KRABD3: variants seen among roughly 807,000 people sequenced by gnomAD.
KRABD3 encodes KRAB domain-containing protein 3.
the KRABD3 span, chr7:149,720,166 C>T: frequency 1.9e-6 from 3 of 1,549,098 alleles, no homozygotes; most frequent in South Asian, 1.2e-5. Flanking sequence ...TCCTCCCACT[C>T]ATCGGTCCTC....
At chr7:149,729,548 CAA>C in the KRABD3 span, 1 of 985,352 alleles carries the variant, frequency 1.0e-6, no homozygotes, top group African/African-American at 1.7e-5. Context: ...TAAAGTGTCA[CAA>C]AGTGCTGACA....
chr7:149,721,544 G>A, the KRABD3 span: 3 of 1,610,296 alleles, frequency 1.9e-6, no homozygotes, highest in East Asian at 2.2e-5. Flanking sequence ...CAGTGAGTCT[G>A]ACACAGCAGG....
chr7:149,725,453 A>G, the KRABD3 span: 1 of 1,612,154 alleles, frequency 6.2e-7, no homozygotes, highest in Non-Finnish European at 8.5e-7. Flanking sequence ...AGGTCTCAGA[A>G]GCCTGAACTG....
the KRABD3 span, chr7:149,720,942 A>G: frequency 6.2e-7 from 1 of 1,613,632 alleles, no homozygotes; most frequent in Non-Finnish European, 8.5e-7. Flanking sequence ...CAGCCCCGAG[A>G]GCGAGAGCCG....
At chr7:149,727,949 C>T in the KRABD3 span, among the ~76,000 whole-genome samples, 16 of 152,224 alleles carry the variant, frequency 1.1e-4, no homozygotes, top group Non-Finnish European at 1.8e-4. Flanking sequence ...CAAATGCTGT[C>T]GGGAAAGAGA....
the KRABD3 span, chr7:149,730,852 G>A: frequency 3.8e-3 from 1,735 of 460,170 alleles, 3 homozygotes; most frequent in Non-Finnish European, 5.1e-3. Flanking sequence ...AGACAGATGT[G>A]GATGTATTTA....
the KRABD3 span, chr7:149,729,898 T>C: frequency 8.0e-6 from 10 of 1,256,708 alleles, no homozygotes; most frequent in Non-Finnish European, 1.0e-5. Context: ...TGCTAATGGC[T>C]TCCAAGGACT....
chr7:149,724,338 C>T, the KRABD3 span, among the ~76,000 whole-genome samples: 1 of 152,134 alleles, frequency 6.6e-6, no homozygotes, highest in African/African-American at 2.4e-5. Flanking sequence ...GTTAGCTTCT[C>T]AGAACAAAGC....
the KRABD3 span, chr7:149,721,270 C>T: frequency 7.6e-7 from 1 of 1,324,230 alleles, no homozygotes; most frequent in African/African-American, 1.5e-5. Context: ...ACATAGGTGG[C>T]TGACATCCTG....
the KRABD3 span, among the ~76,000 whole-genome samples, chr7:149,723,147 G>A: frequency 6.6e-6 from 1 of 152,200 alleles, no homozygotes; most frequent in South Asian, 2.1e-4. Context: ...AAGGAAACTC[G>A]GAAGCAGGCT....
the KRABD3 span, chr7:149,715,098 G>A: frequency 8.1e-7 from 1 of 1,230,940 alleles, no homozygotes; most frequent in South Asian, 4.1e-5. Context: ...ACCCCTCGGC[G>A]CAGTGCGGCC....
the KRABD3 span, chr7:149,731,672 G>C: frequency 6.2e-7 from 1 of 1,607,224 alleles, no homozygotes; most frequent in African/African-American, 1.3e-5. Flanking sequence ...CTTTCTATAG[G>C]TACAGCTCAG....
the KRABD3 span, among the ~76,000 whole-genome samples, chr7:149,718,090 A>T: frequency 3.3e-5 from 5 of 151,996 alleles, no homozygotes; most frequent in African/African-American, 1.2e-4. Flanking sequence ...GAACCATCAC[A>T]CCCAGCCTGG....
chr7:149,720,264 C>T, the KRABD3 span: 1 of 989,790 alleles, frequency 1.0e-6, no homozygotes, highest in Non-Finnish European at 1.5e-6. Context: ...GCTTTCACCC[C>T]TCATCCCTCT....
the KRABD3 span, chr7:149,722,614 G>T: frequency 6.4e-7 from 1 of 1,553,606 alleles, no homozygotes; most frequent in African/African-American, 1.4e-5. Context: ...TTCACACGAG[G>T]AGGTCATGCT....
chr7:149,715,264 C>T, the KRABD3 span: 1 of 1,220,082 alleles, frequency 8.2e-7, no homozygotes, highest in African/African-American at 1.6e-5. Flanking sequence ...ACCCACGGCC[C>T]AGTCTCCACC....
the KRABD3 span, chr7:149,733,081 C>T: frequency 8.4e-7 from 1 of 1,185,652 alleles, no homozygotes; most frequent in Admixed American, 2.3e-5. Flanking sequence ...ACCCACCTTC[C>T]TTCCTTTCTG....
chr7:149,724,781 C>T, the KRABD3 span: 1 of 1,587,398 alleles, frequency 6.3e-7, no homozygotes, highest in South Asian at 1.2e-5. Flanking sequence ...GGCAGGCAGC[C>T]CCTCAGTCCC....
chr7:149,723,564 C>T, the KRABD3 span: 10 of 624,744 alleles, frequency 1.6e-5, no homozygotes, highest in Non-Finnish European at 2.7e-5. Context: ...TTGCCCTGTC[C>T]GGTTCTGGCA....
Sources: gnomAD v4.1 joint callset for allele counts (sites outside exome capture counted in the v4.1 genomes callset) on GRCh38, gnomAD v4.1.1 for gene constraint, MANE v1.5 for transcripts, NCBI Gene and HGNC (gene_info 2026-07-23, HGNC 2026-07-21) for gene names.